NT5DC1: variants seen among roughly 807,000 people sequenced by gnomAD.
NT5DC1 encodes 5'-nucleotidase domain containing 1, also known as 5'-nucleotidase domain-containing protein 1.
In NT5DC1, 42 loss-of-function variants were observed where a neutral mutation model predicts 59.4. That is an observed-to-expected ratio of 0.71 (90% CI 0.55 to 0.92). NT5DC1 has a LOEUF of 0.92. Among genes scored for constraint, NT5DC1 ranks in the 40% least tolerant of loss-of-function variants. NT5DC1 has a pLI of 0.00. For missense variants in NT5DC1, 501 were observed against 537.1 expected (o/e 0.93, Z 0.66); for synonymous variants, 172 against 188.1 (o/e 0.91, Z 0.70).
intron 6 of NT5DC1, among the ~76,000 whole-genome samples, chr6:116,150,521 G>T (rs549572824): frequency 1.3e-5 from 2 of 152,154 alleles, no homozygotes; most frequent in Non-Finnish European, 2.9e-5. Flanking sequence ...GTGACCTCAA[G>T]TGATCCACCT....
intron 6 of NT5DC1, among the ~76,000 whole-genome samples, chr6:116,159,717 A>G (rs1780284135): frequency 6.6e-6 from 1 of 152,168 alleles, no homozygotes; most frequent in African/African-American, 2.4e-5. Flanking sequence ...TTTCTAGTGA[A>G]CCCATTACCC....
intron 8 of NT5DC1, among the ~76,000 whole-genome samples, chr6:116,231,106 CAAAAA>C (rs34948626): frequency 2.9e-5 from 2 of 69,974 alleles, no homozygotes; most frequent in Admixed American, 2.3e-4. Flanking sequence ...AACTCCGTCT[CAAAAA>C]AAAAAAAAAA....
intron 6 of NT5DC1, among the ~76,000 whole-genome samples, chr6:116,219,303 A>T (rs1430205944): frequency 6.6e-6 from 1 of 152,168 alleles, no homozygotes; most frequent in Non-Finnish European, 1.5e-5. Context: ...AGAATTTATA[A>T]TCATGGGAAA....
chr6:116,197,305 G>T (rs1781253307), intron 6 of NT5DC1, among the ~76,000 whole-genome samples: 1 of 151,874 alleles, frequency 6.6e-6, no homozygotes, highest in Admixed American at 6.6e-5. Context: ...CCCTTTACTG[G>T]TGGCCAACTG....
intron 6 of NT5DC1, among the ~76,000 whole-genome samples, chr6:116,205,054 A>G (rs1392999200): frequency 6.6e-6 from 1 of 151,984 alleles, no homozygotes; most frequent in Non-Finnish European, 1.5e-5. Context: ...ATTTATCTGA[A>G]AAGTATACAG....
At chr6:116,148,766 A>G (rs2114389676) in intron 6 of NT5DC1, among the ~76,000 whole-genome samples, 1 of 152,282 alleles carries the variant, frequency 6.6e-6, no homozygotes, top group Non-Finnish European at 1.5e-5. Flanking sequence ...ATTCAGATAT[A>G]TGTGAGTGTA....
rs568702930 is a variant in NT5DC1 at position 116,105,841 on chromosome 6, T to C, written c.94-403T>C. 8.5e-5 allele frequency among the ~76,000 whole-genome samples: 13 copies of C among 152,298 alleles called. No homozygotes were observed. The South Asian group carries it at 2.7e-3, about 32-fold the overall frequency. ...CACCTTCCTGGTCCCCATATGTATT[T>C]CCCTGACATGGGGCCTTTCTGGCCA... On this transcript the variant is annotated intron_variant, in intron 1 of 11. Transcript: ENST00000319550.
At chr6:116,232,926 C>T (rs936011830) in intron 8 of NT5DC1, among the ~76,000 whole-genome samples, 4 of 152,172 alleles carry the variant, frequency 2.6e-5, no homozygotes, top group Non-Finnish European at 5.9e-5. Flanking sequence ...TCCTCCATCT[C>T]TTTATCCAAC....
chr6:116,166,702 A>T (rs1045104566), intron 6 of NT5DC1, among the ~76,000 whole-genome samples: 2 of 152,222 alleles, frequency 1.3e-5, no homozygotes, highest in Non-Finnish European at 2.9e-5. Context: ...TCAGTTATTT[A>T]TCTAAATCCA....
rs552738805 is a variant in NT5DC1 at position 116,242,494 on chromosome 6, AAGAG to A, written c.1253-1404_1253-1401del. 4.4e-3 allele frequency among the ~76,000 whole-genome samples: 646 copies of A among 147,770 alleles called. 15 individuals carry two copies. In the South Asian group the frequency reaches 0.047, roughly 11 times the overall value. On this transcript the variant is annotated intron_variant, in intron 11 of 11. Coordinates refer to ENST00000319550, the MANE Select transcript of NT5DC1 (RefSeq NM_152729.3). ...TGCTAACAGTAACCAAAAAAAAAAAAAGAGAGAGAGAGAGTGGCTGCATTAATAT... is the reference window on the plus strand; with the variant it reads ...TGCTAACAGTAACCAAAAAAAAAAAAAGAGAGAGAGTGGCTGCATTAATAT...
chr6:116,189,906 T>G (rs981618797), intron 6 of NT5DC1, among the ~76,000 whole-genome samples: 1 of 152,048 alleles, frequency 6.6e-6, no homozygotes, highest in Non-Finnish European at 1.5e-5. Flanking sequence ...ATGTATGTTT[T>G]TGCCTTTTAA....
rs892569685 is a variant in NT5DC1, at chr6:116,243,903, C to T, written c.1253-6C>T. 9 of 1,225,610 alleles carry T rather than the reference C, an allele frequency of 7.3e-6. No individual in the cohort carries two copies. Among genetic ancestry groups the T allele is most frequent in the Non-Finnish European group, 1.1e-5 (9 of 850,504 alleles). 75.9% of individuals were successfully genotyped at this position (1,225,610 alleles called of 1,614,324 possible). ...TGCAATAATTAAATTTTTTTTTCCT[C>T]CCCAGAATTACCTCTGGACTACAAA... is the stretch of plus-strand genomic sequence containing the variant. On this transcript the variant is annotated splice_region_variant and splice_polypyrimidine_tract_variant and intron_variant, in intron 11 of 11. Transcript: ENST00000319550.
At chr6:116,197,255 G>C (rs890335854) in intron 6 of NT5DC1, among the ~76,000 whole-genome samples, 6 of 152,030 alleles carry the variant, frequency 3.9e-5, no homozygotes, top group Admixed American at 3.9e-4. Context: ...TGTCAGCTTT[G>C]TCCTCAACCA....
intron 6 of NT5DC1, among the ~76,000 whole-genome samples, chr6:116,176,511 A>G (rs1484789261): frequency 6.6e-6 from 1 of 152,192 alleles, no homozygotes; most frequent in Non-Finnish European, 1.5e-5. Flanking sequence ...AGCTGACATT[A>G]GCAGAAGTTT....
intron 6 of NT5DC1, among the ~76,000 whole-genome samples, chr6:116,147,329 C>T (rs1779923304): frequency 2.0e-5 from 3 of 152,016 alleles, no homozygotes; most frequent in African/African-American, 4.8e-5. Context: ...GTAATCCCAG[C>T]TACCTGGGAG....
intron 6 of NT5DC1, among the ~76,000 whole-genome samples, chr6:116,153,830 T>G (rs1399623727): frequency 6.6e-6 from 1 of 152,124 alleles, no homozygotes; most frequent in Non-Finnish European, 1.5e-5. Context: ...TTCCTTACCT[T>G]CTCTGTGGAT....
chr6:116,237,622 A>G lies in NT5DC1; in HGVS notation c.921+538A>G, dbSNP rs1204815. On this transcript the variant is annotated intron_variant, in intron 9 of 11. Coordinates refer to ENST00000319550, the MANE Select transcript of NT5DC1 (RefSeq NM_152729.3). ...TCTCATATCCCTTAACTCTGTTTTCACATCTGAAAATTGAGAGGTATGGAC... is the reference window on the plus strand; with the variant it reads ...TCTCATATCCCTTAACTCTGTTTTCGCATCTGAAAATTGAGAGGTATGGAC... 4,023 of 411,240 alleles carry G rather than the reference A, an allele frequency of 9.8e-3. 161 individuals are homozygous for G. Among genetic ancestry groups the G allele is most frequent in the African/African-American group, 0.077 (3,745 of 48,392 alleles). The allele number at this position is 411,240 out of a possible 1,614,324, so 25.5% of individuals were successfully genotyped here.
intron 4 of NT5DC1, among the ~76,000 whole-genome samples, chr6:116,114,777 G>A (rs970301029): frequency 6.6e-6 from 1 of 152,116 alleles, no homozygotes; most frequent in African/African-American, 2.4e-5. Context: ...ACTCCATTGG[G>A]ACTTCCAAGG....
rs55670631 is a variant in NT5DC1 at position 116,159,312 on chromosome 6, C to T, written c.529+41367C>T. ...CCAGAGAAACATAACTTTCTTTTTC[C>T]ATAAAGAGAAAAAAGACACTTTCAA... On this transcript the variant is annotated intron_variant, in intron 6 of 11. Coordinates refer to ENST00000319550, the MANE Select transcript of NT5DC1 (RefSeq NM_152729.3). Among the ~76,000 whole-genome samples the T allele has an allele frequency of 2.2e-3, 342 of 152,032 alleles. 1 individual carries two copies. Among genetic ancestry groups the T allele is most frequent in the African/African-American group, 8.1e-3 (336 of 41,498 alleles).
Sources: allele counts gnomAD v4.1 joint callset (sites outside exome capture counted in the v4.1 genomes callset), GRCh38; gene constraint gnomAD v4.1.1; transcripts MANE v1.5; gene names NCBI Gene and HGNC (gene_info 2026-07-23, HGNC 2026-07-21).